The following IFI44 variants were observed in gnomAD, a reference collection of about 807,000 sequenced individuals.
IFI44 encodes interferon-induced protein 44.
Under a neutral mutation model 45.0 loss-of-function variants are expected in IFI44, and 42 were observed. That is an observed-to-expected ratio of 0.93 (90% CI 0.73 to 1.21). The LOEUF is 1.21. Ranked by LOEUF, IFI44 falls within the 50% of genes most tolerant of loss-of-function variation. The pLI, the probability that IFI44 is intolerant of heterozygous loss-of-function variation, is 0.00. For missense variants in IFI44, 623 were observed against 525.8 expected, an observed-to-expected ratio of 1.18 and a Z score of -1.81; for synonymous variants, 221 against 188.6, an observed-to-expected ratio of 1.17 and a Z score of -1.41.
chr1:78,660,928 G>A, intron 7 of IFI44: 1 of 420,326 alleles, frequency 2.4e-6, no homozygotes, highest in Non-Finnish European at 4.4e-6. Flanking sequence ...CACATCCTTT[G>A]GTATACTTTA....
chr1:78,661,946 T>C (rs1004351480), intron 7 of IFI44, among the ~76,000 whole-genome samples: 6 of 152,142 alleles, frequency 3.9e-5, no homozygotes, highest in Non-Finnish European at 5.9e-5. Flanking sequence ...AGAGATAAAA[T>C]GGGCAAGGAA....
At chr1:78,657,026 G>T (rs1647227890) in intron 5 of IFI44, among the ~76,000 whole-genome samples, 1 of 150,706 alleles carries the variant, frequency 6.6e-6, no homozygotes, top group South Asian at 2.1e-4. Flanking sequence ...TTATTATTTT[G>T]AAGCAAACCC....
At chr1:78,653,621 G>C (rs1430288904) in intron 2 of IFI44, among the ~76,000 whole-genome samples, 6 of 152,160 alleles carry the variant, frequency 3.9e-5, no homozygotes, top group African/African-American at 1.4e-4. Context: ...CTGAGCCCGT[G>C]CCTTATTGAT....
Position 78,652,404 on chromosome 1 carries a change from T to C in IFI44, c.457+1752T>C, listed in dbSNP as rs527896395. 5.9e-5 allele frequency among the ~76,000 whole-genome samples: 9 copies of C among 152,330 alleles called. No homozygotes were observed. In the South Asian group the frequency reaches 1.9e-3, roughly 32 times the overall value. On this transcript the variant is annotated intron_variant, in intron 2 of 8. Transcript: ENST00000370747. Reference sequence around the variant, plus strand: ...CTGGAATCTAGATTTATTTACTAAGTAATGCTTAGCCACAGGTATCCTGTT... The same window carrying C: ...CTGGAATCTAGATTTATTTACTAAGCAATGCTTAGCCACAGGTATCCTGTT...
chr1:78,660,791 C>A (rs1202153074), intron 7 of IFI44, 137 bp downstream of exon 7: 2 of 694,814 alleles, frequency 2.9e-6, no homozygotes, highest in Non-Finnish European at 5.3e-6. Context: ...GGCCCGTTTC[C>A]CAAGATTTAA....
intron 7 of IFI44, chr1:78,660,868 A>G: frequency 1.9e-6 from 1 of 540,014 alleles, no homozygotes; most frequent in East Asian, 3.4e-5. Flanking sequence ...TTGTTACCAA[A>G]ATCTGTGGAT....
At chr1:78,655,759 A>G (rs1174424649) in intron 5 of IFI44, among the ~76,000 whole-genome samples, 1 of 152,052 alleles carries the variant, frequency 6.6e-6, no homozygotes, top group Non-Finnish European at 1.5e-5. Context: ...ACCCACACAG[A>G]TAATTTTTCT....
At chr1:78,661,789 G>A (rs149732991) in intron 7 of IFI44, among the ~76,000 whole-genome samples, 58 of 152,202 alleles carry the variant, frequency 3.8e-4, no homozygotes, top group Non-Finnish European at 4.6e-4. Flanking sequence ...ACAGGGAAAC[G>A]GCTTTCAAGG....
Position 78,650,311 on chromosome 1 carries a change from T to G in IFI44, c.116T>G (p.Val39Gly), listed in dbSNP as rs776377795. ...AGTGTCCATGGATTCCGTAATGGAGTTTTGCTTGACAGATGTTGTAATCAA... is the reference window on the plus strand; with the variant it reads ...AGTGTCCATGGATTCCGTAATGGAGGTTTGCTTGACAGATGTTGTAATCAA... Reference protein sequence around the residue: ...KGSVHGFRNGVLLDRCCNQGP... With the variant: ...KGSVHGFRNGGLLDRCCNQGP... The change falls in exon 2 of 9, where the codon GTT becomes GGT. Residue 39 changes from valine (V) to glycine (G), a missense_variant. Transcript: ENST00000370747. 8 of 1,613,782 alleles carry G rather than the reference T, an allele frequency of 5.0e-6. No homozygotes were observed. Among genetic ancestry groups the G allele is most frequent in the Non-Finnish European group, 6.8e-6 (8 of 1,179,928 alleles).
chr1:78,650,571 G>A lies in IFI44; in HGVS notation c.376G>A (p.Asp126Asn). Reference sequence around the variant, plus strand: ...TGGAAGAAATAGAAAAGTGATTATGGACTTAAAGACAATGGAAAATCTTGG... The same window carrying A: ...TGGAAGAAATAGAAAAGTGATTATGAACTTAAAGACAATGGAAAATCTTGG... The part of the protein sequence containing the change: ...IDGRNRKVIM[D>N]LKTMENLGLA... The change falls in exon 2 of 9, where the codon GAC becomes AAC. Residue 126 changes from aspartate to asparagine, a missense_variant. Coordinates refer to ENST00000370747, the MANE Select transcript of IFI44 (RefSeq NM_006417.5). 1 of 1,612,840 alleles carries A rather than the reference G, an allele frequency of 6.2e-7. No individual in the cohort carries two copies. Among genetic ancestry groups the A allele is most frequent in the Non-Finnish European group, 8.5e-7 (1 of 1,179,554 alleles).
Position 78,659,409 on chromosome 1 carries a change from C to A in IFI44, c.938C>A (p.Ala313Asp). The A allele has an allele frequency of 2.5e-6, 4 of 1,613,120 alleles. No homozygotes were observed. Among genetic ancestry groups the A allele is most frequent in the South Asian group, 1.1e-5 (1 of 91,048 alleles). The change falls in exon 6 of 9, where the codon GCC becomes GAC. Residue 313 changes from alanine to aspartate, a missense_variant. Ala to Asp is a moderately radical substitution (Grantham distance 126, BLOSUM62 -2). Transcript: ENST00000370747. The stretch of plus-strand genomic sequence containing the variant: ...CATTGTGTGGCATTTGTATTTGATG[C>A]CAGCTCTATTCAATACTTCTCCTCT... ...RIHCVAFVFDASSIQYFSSQM... is the reference protein window; with the variant it reads ...RIHCVAFVFDDSSIQYFSSQM...
At chr1:78,659,565 G>A (rs1647335328) in intron 6 of IFI44, 82 bp downstream of exon 6, 2 of 1,089,310 alleles carry the variant, frequency 1.8e-6, no homozygotes, top group Middle Eastern at 2.1e-4. Context: ...TTTTGGACAG[G>A]ATAAAGAACT....
chr1:78,659,582 A>G (rs1647339219), intron 6 of IFI44, 99 bp downstream of exon 6: 2 of 878,160 alleles, frequency 2.3e-6, no homozygotes, highest in Admixed American at 5.6e-5. Context: ...AACTTAAGTC[A>G]TTGCATATTT....
rs1180200584 is a variant in IFI44, at chr1:78,660,408, T to G, written c.1013-146T>G. 5.1e-6 allele frequency: 3 copies of G among 592,706 alleles called. No individual in the cohort carries two copies. The African/African-American group carries it at 5.6e-5, about 11-fold the overall frequency. The allele number at this position is 592,706 out of a possible 1,614,324, so 36.7% of individuals were successfully genotyped here. ...ACTAATAAGTAGTCCAGGGGAGTTT[T>G]TTGGGGAGATGAGGGTGACCGGGGT... On this transcript the variant is annotated intron_variant, in intron 6 of 8. Coordinates refer to ENST00000370747, the MANE Select transcript of IFI44 (RefSeq NM_006417.5).
intron 2 of IFI44, among the ~76,000 whole-genome samples, chr1:78,653,734 G>C (rs543719396): frequency 1.8e-4 from 28 of 152,262 alleles, no homozygotes; most frequent in African/African-American, 6.7e-4. Context: ...AATTAAGTGA[G>C]CTGGAAGTTC....
chr1:78,654,265 A>G lies in IFI44; in HGVS notation c.480A>G (p.Ile160Met), dbSNP rs35759281. Residue 160 changes from isoleucine (I) to methionine (M), a missense_variant, in exon 3 of 9, where the codon ATA becomes ATG. Transcript: ENST00000370747. ...RCEDSLDERK[I>M]KGVIELRKSL... Reference sequence around the variant, plus strand: ...CAGATTCACTGGATGAAAGAAAGATAAAAGGGGTCATTGAGTAAGTCAATG... The same window carrying G: ...CAGATTCACTGGATGAAAGAAAGATGAAAGGGGTCATTGAGTAAGTCAATG... 2.2e-5 allele frequency: 33 copies of G among 1,492,288 alleles called. No individual in the cohort carries two copies. In the African/African-American group the frequency reaches 4.1e-4, roughly 19 times the overall value. The allele number at this position is 1,492,288 out of a possible 1,614,324, so 92.4% of individuals were successfully genotyped here. A position where few individuals can be genotyped will look rare whatever the true frequency, so the allele number is the denominator to read the frequency against.
chr1:78,650,911 A>G (rs931836165), intron 2 of IFI44, among the ~76,000 whole-genome samples: 3 of 152,236 alleles, frequency 2.0e-5, no homozygotes, highest in Admixed American at 1.3e-4. Flanking sequence ...TGTGGACTAT[A>G]GGTTCTTGGA....
In IFI44 at chr1:78,650,369, T is replaced by C. The variant is rs750856586; in HGVS notation, c.174T>C (p.Asp58=). The change falls in exon 2 of 9, where the codon GAT becomes GAC. Residue 58 remains aspartate (D), a synonymous_variant. Coordinates refer to ENST00000370747, the MANE Select transcript of IFI44 (RefSeq NM_006417.5). ...CTCTAACAGTGATTTATAGTGAAGA[T>C]CATATTATTGGAGCATATGCAGAAG... ...GPTLTVIYSE[D]HIIGAYAEES... is the part of the protein sequence containing the mutation. 5 of 1,614,126 alleles carry C rather than the reference T, an allele frequency of 3.1e-6. No homozygotes were observed. The highest frequency in any genetic ancestry group is 4.2e-6 in the Non-Finnish European group (5 of 1,179,978).
Sources: allele counts gnomAD v4.1 joint callset (sites outside exome capture counted in the v4.1 genomes callset), GRCh38; gene constraint gnomAD v4.1.1; transcripts MANE v1.5; gene names NCBI Gene and HGNC (gene_info 2026-07-23, HGNC 2026-07-21).